DYNC1I1: variants seen among roughly 807,000 people sequenced by gnomAD.
The protein encoded by DYNC1I1 is dynein cytoplasmic 1 intermediate chain 1.
In DYNC1I1, 43 loss-of-function variants were observed where a neutral mutation model predicts 86.6. The observed-to-expected ratio is 0.50, with a 90% CI of 0.39 to 0.64. The LOEUF (loss-of-function observed/expected upper bound fraction) is 0.64, where lower values mean the gene tolerates loss of function less well. DYNC1I1 is among the 30% of genes least tolerant of loss of function. The probability of loss-of-function intolerance (pLI) is 0.00; values close to 1 mark genes in which losing one functional copy is unlikely to be tolerated. For missense variants in DYNC1I1, 604 were observed against 788.8 expected, an observed-to-expected ratio of 0.77 and a Z score of 2.81; for synonymous variants, 262 against 283.7, an observed-to-expected ratio of 0.92 and a Z score of 0.77.
At chr7:96,011,564 T>C (rs1794276462) in intron 10 of DYNC1I1, among the ~76,000 whole-genome samples, 3 of 152,262 alleles carry the variant, frequency 2.0e-5, no homozygotes, top group South Asian at 2.1e-4. Context: ...AGTTATTTCC[T>C]CCAAGCCCAC....
chr7:95,921,929 T>C (rs1337797750), intron 6 of DYNC1I1, among the ~76,000 whole-genome samples: 4 of 152,304 alleles, frequency 2.6e-5, no homozygotes, highest in South Asian at 4.1e-4. Context: ...TGAGACAAAA[T>C]AATGTCCTAG....
intron 16 of DYNC1I1, among the ~76,000 whole-genome samples, chr7:96,090,923 G>A (rs1790821954): frequency 6.6e-6 from 1 of 152,090 alleles, no homozygotes; most frequent in Non-Finnish European, 1.5e-5. Flanking sequence ...ATTGTTAGCT[G>A]CGATGCTAGA....
chr7:95,984,895 A>G lies in DYNC1I1; in HGVS notation c.661A>G (p.Ile221Val). The G allele has an allele frequency of 6.2e-7, 1 of 1,613,700 alleles. No individual in the cohort carries two copies. The highest frequency in any genetic ancestry group is 1.1e-5 in the South Asian group (1 of 90,994). The change falls in exon 8 of 17, where the codon ATA becomes GTA. Residue 221 changes from isoleucine to valine, a missense_variant. Transcript: ENST00000447467. Reference protein sequence around the residue: ...EEFLIFFDRTIRVIERALAED... With the variant: ...EEFLIFFDRTVRVIERALAED... ...ATTTCTCATCTTTTTTGACCGGACA[A>G]TACGGGTAATTGAAAGAGCCCTGGC...
At chr7:96,056,584 A>G (rs2116140749) in intron 14 of DYNC1I1, among the ~76,000 whole-genome samples, 1 of 152,278 alleles carries the variant, frequency 6.6e-6, no homozygotes, top group East Asian at 1.9e-4. Context: ...TATACTTTTC[A>G]TTATGCCATT....
At chr7:95,790,463 C>G (rs1794266673) in intron 1 of DYNC1I1, among the ~76,000 whole-genome samples, 1 of 152,184 alleles carries the variant, frequency 6.6e-6, no homozygotes, top group South Asian at 2.1e-4. Flanking sequence ...CAGGTCTGGT[C>G]TTCCTCCATT....
chr7:95,911,945 G>T (rs1025316299), intron 6 of DYNC1I1, among the ~76,000 whole-genome samples: 1 of 152,204 alleles, frequency 6.6e-6, no homozygotes, highest in Non-Finnish European at 1.5e-5. Flanking sequence ...GCCCTAATCT[G>T]CAGGATGAAT....
At chr7:95,903,629 A>G (rs7808658) in intron 6 of DYNC1I1, among the ~76,000 whole-genome samples, 4 of 152,128 alleles carry the variant, frequency 2.6e-5, no homozygotes, top group African/African-American at 4.8e-5. Flanking sequence ...ATATCATTTT[A>G]TTAGCACCAC....
At chr7:95,914,285 C>A (rs1193216604) in intron 6 of DYNC1I1, among the ~76,000 whole-genome samples, 1 of 152,190 alleles carries the variant, frequency 6.6e-6, no homozygotes, top group Admixed American at 6.5e-5. Flanking sequence ...TCTAATATTT[C>A]CCCTCATTAG....
At chr7:95,865,635 C>A (rs1239999322) in intron 5 of DYNC1I1, among the ~76,000 whole-genome samples, 1 of 152,122 alleles carries the variant, frequency 6.6e-6, no homozygotes, top group Non-Finnish European at 1.5e-5. Context: ...TATGGTGGTC[C>A]TGTATGATTA....
At chr7:95,891,215 A>G (rs74408372) in intron 6 of DYNC1I1, among the ~76,000 whole-genome samples, 3 of 152,170 alleles carry the variant, frequency 2.0e-5, no homozygotes, top group Admixed American at 6.5e-5. Context: ...TGACACCTTC[A>G]CTTGGATTTC....
At chr7:96,005,867 G>A (rs1794129819) in intron 10 of DYNC1I1, among the ~76,000 whole-genome samples, 1 of 152,154 alleles carries the variant, frequency 6.6e-6, no homozygotes, top group African/African-American at 2.4e-5. Flanking sequence ...TTGACTCAAA[G>A]TGGCCCAGTA....
At chr7:95,952,949 T>G (rs1792598692) in intron 6 of DYNC1I1, among the ~76,000 whole-genome samples, 1 of 151,832 alleles carries the variant, frequency 6.6e-6, no homozygotes, top group Admixed American at 6.6e-5. Context: ...CAGCTTTCAC[T>G]AGATCTCAAG....
chr7:95,915,446 A>G (rs1584155788), intron 6 of DYNC1I1, among the ~76,000 whole-genome samples: 1 of 152,324 alleles, frequency 6.6e-6, no homozygotes, highest in East Asian at 1.9e-4. Context: ...ATTGAAGCAT[A>G]TTTATGTTTT....
At chr7:95,940,531 G>A (rs944163579) in intron 6 of DYNC1I1, among the ~76,000 whole-genome samples, 4 of 150,364 alleles carry the variant, frequency 2.7e-5, no homozygotes, top group Non-Finnish European at 3.0e-5. Flanking sequence ...TTCCCTTCTC[G>A]CTTCATTTCA....
At chr7:95,982,748 A>G (rs181822599) in intron 7 of DYNC1I1, among the ~76,000 whole-genome samples, 107 of 152,274 alleles carry the variant, frequency 7.0e-4, no homozygotes, top group African/African-American at 2.4e-3. Flanking sequence ...CTTGGCCTAT[A>G]GTATTCTTGT....
chr7:95,785,362 C>T (rs1794102829), intron 1 of DYNC1I1, among the ~76,000 whole-genome samples: 1 of 152,084 alleles, frequency 6.6e-6, no homozygotes, highest in Non-Finnish European at 1.5e-5. Flanking sequence ...TGCAGTGAGC[C>T]AAGATTGCGC....
At chr7:95,997,746 G>A (rs1793906271) in intron 10 of DYNC1I1, among the ~76,000 whole-genome samples, 1 of 151,792 alleles carries the variant, frequency 6.6e-6, no homozygotes, top group Non-Finnish European at 1.5e-5. Flanking sequence ...AAAGCAAGAG[G>A]TACCCTAAAT....
At chr7:96,040,846 CT>C (rs1179216078) in intron 14 of DYNC1I1, among the ~76,000 whole-genome samples, 6 of 152,012 alleles carry the variant, frequency 3.9e-5, no homozygotes, top group African/African-American at 1.4e-4. Flanking sequence ...CTCAACCTCC[CT>C]AGCAGCTGGG....
At position 95,966,072 on chromosome 7, in the gene DYNC1I1, G is replaced by A. The variant is rs73708412; in HGVS notation, c.491-11440G>A. 9.3e-3 allele frequency among the ~76,000 whole-genome samples: 1,411 copies of A among 152,246 alleles called. 21 individuals carry two copies. The highest frequency in any genetic ancestry group is 0.032 in the African/African-American group (1,315 of 41,540). ...TTCCTGATGGGTGACCATGTGTTCT[G>A]GTTTAGCTGGAACAGTCACCCAGTC... On this transcript the variant is annotated intron_variant, in intron 6 of 16. Transcript: ENST00000447467.
Sources: gnomAD v4.1 joint callset for allele counts (sites outside exome capture counted in the v4.1 genomes callset) on GRCh38, gnomAD v4.1.1 for gene constraint, MANE v1.5 for transcripts, NCBI Gene and HGNC (gene_info 2026-07-23, HGNC 2026-07-21) for gene names.